Variants in LHCGR observed in about 807,000 individuals in gnomAD.
LHCGR encodes luteinizing hormone/choriogonadotropin receptor.
A neutral mutation model predicts 60.7 loss-of-function variants in LHCGR; 55 were observed. The ratio of observed to expected loss-of-function variants is 0.91; its 90% confidence interval spans 0.73 to 1.13. The LOEUF is 1.13. Ranked by LOEUF, LHCGR falls within the 50% of genes most tolerant of loss-of-function variation. The pLI is 0.00. For missense variants in LHCGR, 862 were observed against 836.0 expected, an observed-to-expected ratio of 1.03 and a Z score of -0.38; for synonymous variants, 337 against 316.5, an observed-to-expected ratio of 1.06 and a Z score of -0.69.
At chr2:48,741,708 G>A (rs1325743617) in intron 1 of LHCGR, among the ~76,000 whole-genome samples, 1 of 151,340 alleles carries the variant, frequency 6.6e-6, no homozygotes, top group Non-Finnish European at 1.5e-5. Context: ...ACATGGAAAG[G>A]AACAACCGGT....
At chr2:48,701,629 C>A (rs1428670676) in intron 8 of LHCGR, among the ~76,000 whole-genome samples, 1 of 152,082 alleles carries the variant, frequency 6.6e-6, no homozygotes, top group Non-Finnish European at 1.5e-5. Flanking sequence ...TCCCCCCAAC[C>A]AAATGAGTTT....
At chr2:48,745,753 G>A (rs1009504496) in intron 1 of LHCGR, among the ~76,000 whole-genome samples, 1 of 150,938 alleles carries the variant, frequency 6.6e-6, no homozygotes, top group Non-Finnish European at 1.5e-5. Flanking sequence ...GCTAGATGAC[G>A]AGTTAGTGGG....
At chr2:48,732,450 A>C (rs1160804647) in intron 1 of LHCGR, among the ~76,000 whole-genome samples, 1 of 152,218 alleles carries the variant, frequency 6.6e-6, no homozygotes, top group Non-Finnish European at 1.5e-5. Flanking sequence ...GACTTGCTAC[A>C]GTTGTAAGCT....
At chr2:48,744,343 A>G (rs201088009) in intron 1 of LHCGR, among the ~76,000 whole-genome samples, 3,346 of 25,396 alleles carry the variant, frequency 0.13, 292 homozygotes, top group East Asian at 0.27. Flanking sequence ...GGAAAAAACT[A>G]CTTTAAAGTT....
rs142554296 is a variant in LHCGR at position 48,723,654 on chromosome 2, C to T, written c.426G>A (p.Thr142=). ...AATTTGATTCAGAGGAGAAGACCTT[C>T]GTAACATCTGGAAACTTTCTGATGC... ...NTGIRKFPDV[T]KVFSSESNFI... Residue 142 remains threonine (T), a synonymous_variant, in exon 5 of 11, where the codon ACG becomes ACA. Transcript: ENST00000294954. The T allele has an allele frequency of 5.0e-5, 81 of 1,613,928 alleles. No homozygotes were observed. The East Asian group carries it at 5.8e-4, about 12-fold the overall frequency.
intron 8 of LHCGR, among the ~76,000 whole-genome samples, chr2:48,702,068 G>A (rs6714440): frequency 0.13 from 20,317 of 152,098 alleles, 1,624 homozygotes; most frequent in South Asian, 0.24. Context: ...AGAGTAGGGT[G>A]TCGTGGACTG....
chr2:48,689,915 C>T (rs1044288758), intron 10 of LHCGR, among the ~76,000 whole-genome samples: 13 of 152,252 alleles, frequency 8.5e-5, no homozygotes, highest in Admixed American at 4.6e-4. Context: ...GGGGTTTCAC[C>T]GTGTTGGCCA....
Position 48,739,998 on chromosome 2 carries a change from C to T in LHCGR, c.162-8700G>A, listed in dbSNP as rs540112536. ...AGTGGGTGCGTGCACCATGCGCGAG[C>T]TGAAGCAGGGCGAGGCATCACCTCA... On this transcript the variant is annotated intron_variant, in intron 1 of 10. Transcript: ENST00000294954. Among the ~76,000 whole-genome samples the T allele has an allele frequency of 4.6e-5, 7 of 152,308 alleles. No homozygotes were observed. In the East Asian group the frequency reaches 1.4e-3, roughly 30 times the overall value.
chr2:48,698,921 A>G, intron 8 of LHCGR, 121 bp from the exon 9 acceptor site: 4 of 741,356 alleles, frequency 5.4e-6, no homozygotes, highest in Non-Finnish European at 6.5e-6. Context: ...GGCTCACTGC[A>G]AGCTCCGCCT....
intron 1 of LHCGR, among the ~76,000 whole-genome samples, chr2:48,732,093 C>G (rs1404704576): frequency 6.6e-6 from 1 of 152,154 alleles, no homozygotes; most frequent in Non-Finnish European, 1.5e-5. Context: ...GAGTGACACT[C>G]AGAAATGCAA....
At chr2:48,736,676 G>T (rs1669218718) in intron 1 of LHCGR, among the ~76,000 whole-genome samples, 1 of 152,212 alleles carries the variant, frequency 6.6e-6, no homozygotes, top group Admixed American at 6.5e-5. Context: ...GCTTCAGTCA[G>T]GTGGGCTCTA....
At chr2:48,723,347 C>T (rs778161917) in intron 6 of LHCGR, 109 bp downstream of exon 6, 24 of 793,180 alleles carry the variant, frequency 3.0e-5, no homozygotes, top group Non-Finnish European at 4.7e-5. Flanking sequence ...AGAAGAATGT[C>T]ACCAGTGAGT....
chr2:48,727,941 G>A (rs1668811970), intron 3 of LHCGR, among the ~76,000 whole-genome samples: 1 of 152,192 alleles, frequency 6.6e-6, no homozygotes. Context: ...CTGGAGCTTT[G>A]AAGAAAGACA....
In LHCGR at chr2:48,739,479, G is replaced by A. The variant is rs570600676; in HGVS notation, c.162-8181C>T. ...CATATACACCATGGAATACTATGCAGCCATAAAAAATGATGAGTTCATGTC... is the reference window on the plus strand; with the variant it reads ...CATATACACCATGGAATACTATGCAACCATAAAAAATGATGAGTTCATGTC... On this transcript the variant is annotated intron_variant, in intron 1 of 10. Transcript: ENST00000294954. Among the ~76,000 whole-genome samples, 26 of 152,184 alleles carry A rather than the reference G, an allele frequency of 1.7e-4. No individual in the cohort carries two copies. The South Asian group carries it at 4.4e-3, about 25-fold the overall frequency.
At chr2:48,741,026 G>A (rs367811034) in intron 1 of LHCGR, among the ~76,000 whole-genome samples, 4 of 152,272 alleles carry the variant, frequency 2.6e-5, no homozygotes, top group African/African-American at 4.8e-5. Context: ...ACCAAGGCTC[G>A]AGAACTACAT....
At chr2:48,700,163 A>C (rs1325801531) in intron 8 of LHCGR, among the ~76,000 whole-genome samples, 1 of 152,196 alleles carries the variant, frequency 6.6e-6, no homozygotes, top group South Asian at 2.1e-4. Flanking sequence ...ATTCTGCTTT[A>C]TAGGGTTTTT....
chr2:48,739,170 T>A (rs906295501), intron 1 of LHCGR, among the ~76,000 whole-genome samples: 1 of 152,166 alleles, frequency 6.6e-6, no homozygotes, highest in Non-Finnish European at 1.5e-5. Context: ...CAACAGATGC[T>A]GGAGAGGATG....
intron 3 of LHCGR, among the ~76,000 whole-genome samples, chr2:48,726,172 C>T (rs1354292120): frequency 6.6e-6 from 1 of 152,108 alleles, no homozygotes; most frequent in Non-Finnish European, 1.5e-5. Context: ...CAAACTCGTC[C>T]TCTTCATATT....
chr2:48,694,154 T>C lies in LHCGR; in HGVS notation c.947+70A>G. 5.4e-6 allele frequency: 5 copies of C among 929,364 alleles called. No individual in the cohort carries two copies. The South Asian group carries it at 7.0e-5, about 13-fold the overall frequency. 57.6% of individuals were successfully genotyped at this position (929,364 alleles called of 1,614,324 possible). A position where few individuals can be genotyped will look rare whatever the true frequency, so the allele number is the denominator to read the frequency against. ...CAAGACTTGTATCAAAAGAAAATAA[T>C]TGATGCTGATAATAAGGTGCACACA... On this transcript the variant is annotated intron_variant, in intron 10 of 10. Transcript: ENST00000294954.
Sources: gnomAD v4.1 joint callset for allele counts (sites outside exome capture counted in the v4.1 genomes callset) on GRCh38, gnomAD v4.1.1 for gene constraint, MANE v1.5 for transcripts, NCBI Gene and HGNC (gene_info 2026-07-23, HGNC 2026-07-21) for gene names.